Variants in FOXJ3 observed in about 807,000 individuals in gnomAD.
The protein encoded by FOXJ3 is forkhead box J3, also known as forkhead box protein J3.
In FOXJ3, 22 loss-of-function variants were observed where a neutral mutation model predicts 76.1. The observed-to-expected ratio is 0.29, with a 90% CI of 0.21 to 0.41. FOXJ3 has a LOEUF of 0.41. Ranked by LOEUF, FOXJ3 falls within the 10% of genes least tolerant of loss-of-function variation. FOXJ3 has a pLI of 1.00. For missense variants in FOXJ3, 613 were observed against 762.1 expected (o/e 0.80, Z 2.30); for synonymous variants, 269 against 261.2 (o/e 1.03, Z -0.29).
intron 5 of FOXJ3, among the ~76,000 whole-genome samples, chr1:42,207,828 C>T (rs1265050944): frequency 6.6e-6 from 1 of 152,094 alleles, no homozygotes; most frequent in Non-Finnish European, 1.5e-5. Flanking sequence ...CACTTAGGTC[C>T]CAGGTACACA....
At chr1:42,320,455 G>T (rs536053067) in intron 1 of FOXJ3, among the ~76,000 whole-genome samples, 18 of 152,146 alleles carry the variant, frequency 1.2e-4, no homozygotes, top group East Asian at 3.9e-4. Flanking sequence ...TCCCAAAATC[G>T]TATCATGTGG....
upstream of FOXJ3, chr1:42,335,467 C>T (rs1024538296): frequency 1.3e-5 from 2 of 152,402 alleles, no homozygotes; most frequent in African/African-American, 2.4e-5. Context: ...CCTTGTGCCT[C>T]GGAGTGGCGT....
intron 2 of FOXJ3, among the ~76,000 whole-genome samples, chr1:42,294,718 C>T (rs570725012): frequency 3.1e-4 from 42 of 134,116 alleles, no homozygotes; most frequent in African/African-American, 9.7e-4. Flanking sequence ...GCAGAGATCA[C>T]GCCATTGCAC....
chr1:42,291,067 T>TAGACAGACAGACAGAC (rs1468311182), intron 2 of FOXJ3, among the ~76,000 whole-genome samples: 1 of 82,382 alleles, frequency 1.2e-5, no homozygotes, highest in Non-Finnish European at 2.9e-5. Context: ...GATAGATAGA[T>TAGACAGACAGACAGAC]AGATAGATAG....
At chr1:42,285,559 A>C (rs748107291) in intron 2 of FOXJ3, among the ~76,000 whole-genome samples, 2 of 152,034 alleles carry the variant, frequency 1.3e-5, no homozygotes, top group Non-Finnish European at 2.9e-5. Context: ...TTTCTAAAAT[A>C]CTCCCCAAGG....
intron 3 of FOXJ3, among the ~76,000 whole-genome samples, chr1:42,271,855 G>A (rs1317771530): frequency 2.6e-5 from 4 of 152,014 alleles, no homozygotes; most frequent in African/African-American, 7.3e-5. Flanking sequence ...ACAGGGTCTC[G>A]CTATGCTGGC....
chr1:42,263,097 T>C (rs979089682), intron 4 of FOXJ3, among the ~76,000 whole-genome samples: 2 of 152,190 alleles, frequency 1.3e-5, no homozygotes, highest in African/African-American at 2.4e-5. Context: ...TAGTTGCACA[T>C]TGAGAATCCT....
chr1:42,226,562 C>T (rs923187057), intron 5 of FOXJ3, among the ~76,000 whole-genome samples: 2 of 151,828 alleles, frequency 1.3e-5, no homozygotes, highest in Non-Finnish European at 2.9e-5. Flanking sequence ...GAGCTGAGAT[C>T]ATGCCATTGC....
intron 4 of FOXJ3, among the ~76,000 whole-genome samples, chr1:42,237,379 A>AAT (rs1422246669): frequency 1.5e-5 from 2 of 136,588 alleles, no homozygotes; most frequent in South Asian, 2.3e-4. Flanking sequence ...CATCTCAAAA[A>AAT]ATATATATAT....
chr1:42,188,524 A>G (rs1007021512), intron 11 of FOXJ3, among the ~76,000 whole-genome samples: 3 of 152,246 alleles, frequency 2.0e-5, no homozygotes, highest in Non-Finnish European at 4.4e-5. Context: ...AAGCAATCAT[A>G]TAAATCACAA....
chr1:42,236,739 T>C (rs531500357), intron 4 of FOXJ3, among the ~76,000 whole-genome samples: 6 of 152,290 alleles, frequency 3.9e-5, no homozygotes, highest in South Asian at 2.1e-4. Flanking sequence ...TTCATACAAG[T>C]GAACTCAAAC....
intron 9 of FOXJ3, chr1:42,189,653 T>C (rs1646503937): frequency 2.6e-6 from 1 of 385,558 alleles, no homozygotes; most frequent in African/African-American, 2.1e-5. Context: ...AAGGTTATCA[T>C]GATGAATCTA....
chr1:42,309,091 A>C (rs1654647273), intron 2 of FOXJ3, among the ~76,000 whole-genome samples: 1 of 152,004 alleles, frequency 6.6e-6, no homozygotes, highest in Admixed American at 6.6e-5. Flanking sequence ...CTACAAACGT[A>C]ACTTCATTGT....
intron 5 of FOXJ3, among the ~76,000 whole-genome samples, chr1:42,224,080 TCTTA>T (rs1477226931): frequency 2.0e-5 from 3 of 152,238 alleles, no homozygotes; most frequent in East Asian, 1.9e-4. Flanking sequence ...ACTTTTAGCC[TCTTA>T]CTTATAGCTG....
intron 5 of FOXJ3, among the ~76,000 whole-genome samples, chr1:42,211,477 A>G (rs1433026798): frequency 6.6e-6 from 1 of 151,886 alleles, no homozygotes; most frequent in Non-Finnish European, 1.5e-5. Flanking sequence ...AGAAGACCTC[A>G]GTGCATTTCA....
chr1:42,258,525 G>C (rs1025093715), intron 4 of FOXJ3, among the ~76,000 whole-genome samples: 1 of 152,156 alleles, frequency 6.6e-6, no homozygotes, highest in Non-Finnish European at 1.5e-5. Context: ...CTAGTTGACC[G>C]AATGAACATG....
rs758234063 is a variant in FOXJ3, at chr1:42,195,026, A to C, written c.798T>G (p.Thr266=). The C allele has an allele frequency of 2.5e-6, 4 of 1,610,484 alleles. No individual in the cohort carries two copies. The highest frequency in any genetic ancestry group is 3.4e-6 in the Non-Finnish European group (4 of 1,178,888). Residue 266 remains threonine, a synonymous_variant, in exon 8 of 13, where the codon ACT becomes ACG. Coordinates refer to ENST00000361346, the MANE Select transcript of FOXJ3 (RefSeq NM_014947.5). Reference sequence around the variant, plus strand: ...GGTTGTACTGTGGTTGCTGCTGAGGAGTTAATGATTGAGAGACTGATTCTG... The same window carrying C: ...GGTTGTACTGTGGTTGCTGCTGAGGCGTTAATGATTGAGAGACTGATTCTG... ...SHPESVSQSL[T]PQQQPQYNLP...
chr1:42,293,755 T>C (rs1653595631), intron 2 of FOXJ3, among the ~76,000 whole-genome samples: 1 of 152,210 alleles, frequency 6.6e-6, no homozygotes, highest in Non-Finnish European at 1.5e-5. Flanking sequence ...AGTCTCGTCT[T>C]TCCATAACTC....
chr1:42,196,363 G>A (rs975584582), intron 7 of FOXJ3, among the ~76,000 whole-genome samples: 10 of 152,166 alleles, frequency 6.6e-5, no homozygotes, highest in African/African-American at 1.9e-4. Flanking sequence ...CTGTTGCTTA[G>A]GGACCGCTCG....
Sources: gnomAD v4.1 joint callset for allele counts (sites outside exome capture counted in the v4.1 genomes callset) on GRCh38, gnomAD v4.1.1 for gene constraint, MANE v1.5 for transcripts, NCBI Gene and HGNC (gene_info 2026-07-23, HGNC 2026-07-21) for gene names.